CACHD1: variants seen among roughly 807,000 people sequenced by gnomAD.
CACHD1 encodes the protein VWFA and cache domain-containing protein 1.
Under a neutral mutation model 138.7 loss-of-function variants are expected in CACHD1, and 71 were observed. The observed-to-expected ratio is 0.51, with a 90% CI of 0.42 to 0.62. The LOEUF is 0.62. CACHD1 is among the 20% of genes least tolerant of loss of function. The pLI is 0.00. For synonymous variants in CACHD1, 578 were observed against 591.5 expected (o/e 0.98, Z 0.33); for missense variants, 1,389 against 1,625.3 (o/e 0.85, Z 2.50).
At chr1:64,561,120 A>C (rs1646835502) in intron 2 of CACHD1, among the ~76,000 whole-genome samples, 1 of 151,626 alleles carries the variant, frequency 6.6e-6, no homozygotes, top group African/African-American at 2.4e-5. Context: ...TATTATTAGG[A>C]ATATTTAGGG....
Position 64,533,600 on chromosome 1 carries a change from A to G in CACHD1, c.199-16994A>G, listed in dbSNP as rs560683271. ...CGTATCTGTTTACCAAATTAACTCA[A>G]TGTAAACATGCAGTACAATTGTGCC... is the stretch of plus-strand genomic sequence containing the variant. On this transcript the variant is annotated intron_variant, in intron 1 of 26. Transcript: ENST00000651257. Among the ~76,000 whole-genome samples the G allele has an allele frequency of 2.0e-5, 3 of 152,320 alleles. No homozygotes were observed. The East Asian group carries it at 5.8e-4, about 29-fold the overall frequency.
In CACHD1 at chr1:64,634,069, C is replaced by A. The variant is rs748771715; in HGVS notation, c.815C>A (p.Thr272Asn). 1 of 1,609,318 alleles carries A rather than the reference C, an allele frequency of 6.2e-7. No homozygotes were observed. The highest frequency in any genetic ancestry group is 2.2e-5 in the East Asian group (1 of 44,648). Reference protein sequence around the residue: ...DKISVLTVADTVRTCSLDQCY... With the variant: ...DKISVLTVADNVRTCSLDQCY... Reference sequence around the variant, plus strand: ...ATTTCTGTGTTAACTGTGGCAGATACCGTCCGGACTTGCTCACTAGACCAG... The same window carrying A: ...ATTTCTGTGTTAACTGTGGCAGATAACGTCCGGACTTGCTCACTAGACCAG... The change falls in exon 7 of 27, where the codon ACC (threonine) becomes AAC (asparagine). Residue 272 changes from threonine (T) to asparagine (N), a missense_variant. Transcript: ENST00000651257.
At chr1:64,568,989 T>A (rs1646905015) in intron 2 of CACHD1, among the ~76,000 whole-genome samples, 1 of 152,182 alleles carries the variant, frequency 6.6e-6, no homozygotes, top group Non-Finnish European at 1.5e-5. Context: ...TGGCGTGATC[T>A]CATCTCACCA....
chr1:64,486,269 C>T (rs910694328), intron 1 of CACHD1, among the ~76,000 whole-genome samples: 12 of 151,834 alleles, frequency 7.9e-5, no homozygotes, highest in Non-Finnish European at 1.8e-4. Flanking sequence ...ATGCAATGAG[C>T]ACCACTATCT....
chr1:64,623,056 A>T (rs77188188), intron 4 of CACHD1, among the ~76,000 whole-genome samples: 5,998 of 152,274 alleles, frequency 0.039, 380 homozygotes, highest in African/African-American at 0.14. Context: ...AGACATATTT[A>T]AAATTATCAT....
At chr1:64,663,903 A>G (rs1170594782) in intron 14 of CACHD1, 66 bp downstream of exon 14, 1 of 1,599,122 alleles carries the variant, frequency 6.3e-7, no homozygotes, top group East Asian at 2.2e-5. Flanking sequence ...GGGTGCTGGC[A>G]GTGAACCTTT....
chr1:64,550,504 C>G, intron 1 of CACHD1, 90 bp from the exon 2 acceptor site: 1 of 912,988 alleles, frequency 1.1e-6, no homozygotes, highest in Non-Finnish European at 1.7e-6. Flanking sequence ...CTACTAGATT[C>G]TATTTGTTGT....
chr1:64,550,471 T>G lies in CACHD1; in HGVS notation c.199-123T>G. ...CTTGGGTTTCTCTCTGTAAAATTAC[T>G]GCATTTTAATTAAATTTTTTTTCTA... On this transcript the variant is annotated intron_variant, in intron 1 of 26. Coordinates refer to ENST00000651257, the MANE Select transcript of CACHD1 (RefSeq NM_020925.4). 3 of 657,294 alleles carry G rather than the reference T, an allele frequency of 4.6e-6. No individual in the cohort carries two copies. The South Asian group carries it at 6.6e-5, about 15-fold the overall frequency. The allele number at this position is 657,294 out of a possible 1,614,324, so 40.7% of individuals were successfully genotyped here.
chr1:64,652,941 C>A (rs1285175345), intron 10 of CACHD1, among the ~76,000 whole-genome samples: 1 of 152,126 alleles, frequency 6.6e-6, no homozygotes, highest in African/African-American at 2.4e-5. Context: ...CATAAAGACA[C>A]CTGTATGTTC....
At chr1:64,612,056 C>A (rs980137496) in intron 4 of CACHD1, among the ~76,000 whole-genome samples, 2 of 152,156 alleles carry the variant, frequency 1.3e-5, no homozygotes, top group African/African-American at 4.8e-5. Context: ...ACACTTAATG[C>A]ATCAGATTTA....
chr1:64,500,876 C>T (rs982203516), intron 1 of CACHD1, among the ~76,000 whole-genome samples: 1 of 151,802 alleles, frequency 6.6e-6, no homozygotes, highest in Non-Finnish European at 1.5e-5. Context: ...GGTGAAACCC[C>T]GTCTCTACTA....
chr1:64,539,579 C>T (rs1380697196), intron 1 of CACHD1, among the ~76,000 whole-genome samples: 1 of 152,076 alleles, frequency 6.6e-6, no homozygotes, highest in East Asian at 1.9e-4. Context: ...CTTTGAACAC[C>T]CCATTTCCAA....
intron 2 of CACHD1, among the ~76,000 whole-genome samples, chr1:64,557,285 T>A (rs1220729093): frequency 1.3e-5 from 2 of 152,182 alleles, no homozygotes; most frequent in African/African-American, 4.8e-5. Context: ...CTTGGGGGGC[T>A]TGATTGGATC....
At chr1:64,538,190 T>C (rs143023314) in intron 1 of CACHD1, among the ~76,000 whole-genome samples, 2,178 of 152,294 alleles carry the variant, frequency 0.014, 28 homozygotes, top group South Asian at 0.023. Context: ...ATTTATGTAA[T>C]CATATTAGCA....
At chr1:64,669,284 A>G (rs1468276273) in intron 16 of CACHD1, among the ~76,000 whole-genome samples, 1 of 152,184 alleles carries the variant, frequency 6.6e-6, no homozygotes, top group Non-Finnish European at 1.5e-5. Context: ...TACTGTACTT[A>G]AGAGGTCGAG....
chr1:64,538,095 T>C (rs305555), intron 1 of CACHD1, among the ~76,000 whole-genome samples: 141,202 of 152,196 alleles, frequency 0.93, 65,600 homozygotes, highest in African/African-American at 0.98. Flanking sequence ...CAGGCAAGGG[T>C]TGTTACCATG....
chr1:64,609,750 G>A (rs1424163107), intron 4 of CACHD1, among the ~76,000 whole-genome samples: 1 of 146,558 alleles, frequency 6.8e-6, no homozygotes, highest in African/African-American at 2.6e-5. Flanking sequence ...TTTTAACTTA[G>A]CAAATGTATC....
chr1:64,600,283 A>G (rs1183562553), intron 3 of CACHD1, among the ~76,000 whole-genome samples: 2 of 152,202 alleles, frequency 1.3e-5, no homozygotes, highest in Non-Finnish European at 2.9e-5. Flanking sequence ...TATTTCTAAA[A>G]GAATCTGCAT....
intron 8 of CACHD1, among the ~76,000 whole-genome samples, chr1:64,645,870 G>A (rs1202560077): frequency 1.3e-5 from 2 of 152,142 alleles, no homozygotes; most frequent in Non-Finnish European, 2.9e-5. Flanking sequence ...ACTTCTTACT[G>A]TCCCCTAAAT....
Sources: allele counts gnomAD v4.1 joint callset (sites outside exome capture counted in the v4.1 genomes callset), GRCh38; gene constraint gnomAD v4.1.1; transcripts MANE v1.5; gene names NCBI Gene and HGNC (gene_info 2026-07-23, HGNC 2026-07-21).